Variants in SYCP2 observed in about 807,000 individuals in gnomAD.
SYCP2 encodes the protein synaptonemal complex protein 2.
SYCP2 carries 55 observed loss-of-function variants against 211.3 expected under a neutral mutation model. The ratio of observed to expected loss-of-function variants is 0.26; its 90% confidence interval spans 0.21 to 0.33. The LOEUF (loss-of-function observed/expected upper bound fraction) is 0.33, where lower values mean the gene tolerates loss of function less well. Ranked by LOEUF, SYCP2 falls within the 10% of genes least tolerant of loss-of-function variation. The pLI, the probability that SYCP2 is intolerant of heterozygous loss-of-function variation, is 1.00. For synonymous variants in SYCP2, 570 were observed against 555.2 expected (o/e 1.03, Z -0.37); for missense variants, 1,731 against 1,752.0 (o/e 0.99, Z 0.21).
intron 1 of SYCP2, 106 bp from the exon 2 acceptor site, chr20:59,932,260 T>C (rs906037150): frequency 6.6e-6 from 1 of 152,166 alleles, no homozygotes; most frequent in Admixed American, 6.5e-5. Context: ...GCTGAATGAA[T>C]GCAAGCAGCA....
chr20:59,877,281 T>G (rs2059580057), intron 33 of SYCP2, 104 bp downstream of exon 33: 3 of 806,098 alleles, frequency 3.7e-6, no homozygotes, highest in Non-Finnish European at 5.2e-6. Context: ...ATAAAAGAAG[T>G]TAACTCTTAA....
chr20:59,909,656 T>C (rs544290387), intron 14 of SYCP2, among the ~76,000 whole-genome samples: 24 of 152,224 alleles, frequency 1.6e-4, no homozygotes, highest in Non-Finnish European at 3.1e-4. Flanking sequence ...CCACACTTCC[T>C]ATATTTTTGC....
rs1163902771 is a variant in SYCP2 at position 59,895,474 on chromosome 20, G to A, written c.1628C>T (p.Ser543Leu). ...ATCTCTTCTATGTCTTCCTTCTGAT[G>A]ATCTAGATTTCAGTGATGCAGCATT... ...VDNAASLKSR[S>L]SEGRHRRDNI... The change falls in exon 20 of 45, where the codon TCA (serine) becomes TTA (leucine). Residue 543 changes from serine to leucine, a missense_variant. Transcript: ENST00000357552. 5.6e-6 allele frequency: 9 copies of A among 1,612,030 alleles called. No homozygotes were observed. Among genetic ancestry groups the A allele is most frequent in the Non-Finnish European group, 7.6e-6 (9 of 1,178,874 alleles).
intron 44 of SYCP2, 64 bp downstream of exon 44, chr20:59,865,323 CA>C: frequency 3.8e-6 from 5 of 1,327,232 alleles, no homozygotes; most frequent in South Asian, 2.6e-5. Flanking sequence ...AGCACACACA[CA>C]AAAAAATCAA....
chr20:59,883,845 A>T (rs115889102), intron 26 of SYCP2, among the ~76,000 whole-genome samples: 2,112 of 152,188 alleles, frequency 0.014, 60 homozygotes, highest in African/African-American at 0.048. Flanking sequence ...ATTGTATTAT[A>T]TAATAGTTTG....
At chr20:59,883,398 A>G (rs932231771) in intron 26 of SYCP2, among the ~76,000 whole-genome samples, 1 of 152,106 alleles carries the variant, frequency 6.6e-6, no homozygotes, top group Non-Finnish European at 1.5e-5. Context: ...TCCTATGTTC[A>G]TTGCAGTAGT....
At chr20:59,913,631 T>C (rs961644274) in intron 12 of SYCP2, among the ~76,000 whole-genome samples, 1 of 152,114 alleles carries the variant, frequency 6.6e-6, no homozygotes, top group African/African-American at 2.4e-5. Context: ...GTCTAGATTT[T>C]TATTATCCCT....
intron 8 of SYCP2, among the ~76,000 whole-genome samples, chr20:59,916,070 C>G (rs1034033039): frequency 6.6e-6 from 1 of 151,952 alleles, no homozygotes; most frequent in Non-Finnish European, 1.5e-5. Flanking sequence ...TAGAATATAA[C>G]ATGACTCCGA....
intron 14 of SYCP2, 47 bp downstream of exon 14, chr20:59,911,703 T>C (rs769347274): frequency 4.9e-5 from 40 of 814,126 alleles, no homozygotes; most frequent in Non-Finnish European, 7.3e-5. Context: ...GTAAAAATCT[T>C]ATATATGCAT....
In SYCP2 at chr20:59,867,760, G is replaced by C. The variant is rs1455336224; in HGVS notation, c.4076C>G (p.Thr1359Ser). 1.8e-5 allele frequency: 29 copies of C among 1,610,066 alleles called. No individual in the cohort carries two copies. Among genetic ancestry groups the C allele is most frequent in the Non-Finnish European group, 2.4e-5 (28 of 1,177,390 alleles). ...ATTGAGCCTCTCGTAAGTCTCATAA[G>C]TCATCTCTATCCCTGCAAATTCATT... ...WQNEFAGIEMTYETYERLNSE... is the reference protein window; with the variant it reads ...WQNEFAGIEMSYETYERLNSE... Residue 1359 changes from threonine to serine, a missense_variant, in exon 39 of 45, where the codon ACT (threonine) becomes AGT (serine). This residue lies in a region of SYCP2 where 1,387 missense variants were observed against 1,351.3 expected (regional missense o/e 1.03). Transcript: ENST00000357552.
At chr20:59,888,015 T>A (rs1251585514) in intron 24 of SYCP2, among the ~76,000 whole-genome samples, 1 of 151,980 alleles carries the variant, frequency 6.6e-6, no homozygotes. Context: ...ATTAAAGAAA[T>A]GGAATGAATA....
chr20:59,891,331 C>A (rs2059901256), intron 24 of SYCP2, among the ~76,000 whole-genome samples: 1 of 151,848 alleles, frequency 6.6e-6, no homozygotes, highest in African/African-American at 2.4e-5. Context: ...ATGATTTACC[C>A]GTAACTGTTA....
Position 59,880,986 on chromosome 20 carries a change from CAGA to C in SYCP2, c.2749_2751del (p.Ser917del), listed in dbSNP as rs1341081715. ...CTTACTTTTTTATCTTTTGTTTTGA[CAGA>C]AGATTTAAGTTCATCATGATTCCTT... is the stretch of plus-strand genomic sequence containing the variant. On this transcript the variant is annotated inframe_deletion, in exon 30 of 45. Transcript: ENST00000357552. 1.3e-6 allele frequency: 2 copies of C among 1,487,232 alleles called. No homozygotes were observed. The highest frequency in any genetic ancestry group is 1.8e-6 in the Non-Finnish European group (2 of 1,086,762). 92.1% of individuals were successfully genotyped at this position (1,487,232 alleles called of 1,614,324 possible).
In SYCP2 at chr20:59,868,504, T is replaced by A. The variant is rs1275966228; in HGVS notation, c.3897A>T (p.Glu1299Asp). The change falls in exon 38 of 45, where the codon GAA becomes GAT. Residue 1299 changes from glutamate (E) to aspartate (D), a missense_variant. Around this residue, in one of 3 missense-constraint regions of SYCP2, gnomAD observed 1,387 missense variants for 1,351.3 expected, o/e 1.03. Coordinates refer to ENST00000357552, the MANE Select transcript of SYCP2 (RefSeq NM_014258.4). ...TTTCTCCTTTCTCTTCCATTTCTAC[T>A]TCATTGGAATTACTTAGATTATCTT... ...YIEDNLSNSN[E>D]VEMEEKGERR... 1 of 1,611,118 alleles carries A rather than the reference T, an allele frequency of 6.2e-7. No individual in the cohort carries two copies. Among genetic ancestry groups the A allele is most frequent in the African/African-American group, 1.3e-5 (1 of 74,766 alleles).
intron 2 of SYCP2, among the ~76,000 whole-genome samples, chr20:59,923,428 T>C (rs911941811): frequency 6.6e-6 from 1 of 152,006 alleles, no homozygotes; most frequent in African/African-American, 2.4e-5. Flanking sequence ...GATAGTATTA[T>C]TCATTTATAA....
chr20:59,921,588 T>A (rs1027371907), intron 3 of SYCP2, 135 bp from the exon 4 acceptor site: 39 of 501,216 alleles, frequency 7.8e-5, no homozygotes, highest in African/African-American at 1.4e-4. Flanking sequence ...ACGTATTTTT[T>A]AAAAATATGG....
chr20:59,894,966 C>A (rs1476679555), intron 20 of SYCP2, among the ~76,000 whole-genome samples: 1 of 152,046 alleles, frequency 6.6e-6, no homozygotes, highest in African/African-American at 2.4e-5. Flanking sequence ...CTGATCTTCA[C>A]CCTCACCTCT....
chr20:59,904,648 T>C (rs2060181003), intron 15 of SYCP2, among the ~76,000 whole-genome samples: 1 of 152,160 alleles, frequency 6.6e-6, no homozygotes, highest in South Asian at 2.1e-4. Flanking sequence ...ATATGACTGA[T>C]CGAGAGAGGA....
At chr20:59,869,165 C>A (rs940810037) in intron 36 of SYCP2, among the ~76,000 whole-genome samples, 2 of 151,480 alleles carry the variant, frequency 1.3e-5, no homozygotes, top group South Asian at 2.1e-4. Flanking sequence ...TCCTGCTTTT[C>A]ATTTCTTTAT....
Sources: allele counts gnomAD v4.1 joint callset (sites outside exome capture counted in the v4.1 genomes callset), GRCh38; gene constraint gnomAD v4.1.1; regional missense constraint gnomAD v4.1.1; transcripts MANE v1.5; gene names NCBI Gene and HGNC (gene_info 2026-07-23, HGNC 2026-07-21).